The following KCNK10 variants were observed in gnomAD, a reference collection of about 807,000 sequenced individuals.
KCNK10 encodes the protein potassium two pore domain channel subfamily K member 10.
Under a neutral mutation model 47.7 loss-of-function variants are expected in KCNK10, and 25 were observed. The observed-to-expected ratio is 0.52, with a 90% CI of 0.38 to 0.73. The LOEUF (loss-of-function observed/expected upper bound fraction) is 0.73. KCNK10 is among the 30% of genes least tolerant of loss of function. The pLI, the probability that KCNK10 is intolerant of heterozygous loss-of-function variation, is 0.00. For synonymous variants in KCNK10, 303 were observed against 285.6 expected, an observed-to-expected ratio of 1.06 and a Z score of -0.61; for missense variants, 563 against 714.5, an observed-to-expected ratio of 0.79 and a Z score of 2.42.
chr14:88,297,303 A>G (rs1320020598), intron 1 of KCNK10, among the ~76,000 whole-genome samples: 1 of 152,236 alleles, frequency 6.6e-6, no homozygotes, highest in Non-Finnish European at 1.5e-5. Context: ...TTCACTTAAA[A>G]CAATAAACTT....
chr14:88,230,024 C>G lies in KCNK10; in HGVS notation c.521-2489G>C, dbSNP rs558884678. On this transcript the variant is annotated intron_variant, in intron 3 of 6. Coordinates refer to ENST00000319231, the MANE Select transcript of KCNK10 (RefSeq NM_138317.3). ...CTCAGGTCATAGGCACATTCTTAAT[C>G]TCTCTCCCTCACTTTCTTCATCAAA... 2.7e-4 allele frequency among the ~76,000 whole-genome samples: 41 copies of G among 152,286 alleles called. No individual in the cohort carries two copies. The South Asian group carries it at 8.5e-3, about 32-fold the overall frequency.
chr14:88,295,490 T>C (rs1433011069), intron 1 of KCNK10, among the ~76,000 whole-genome samples: 1 of 151,964 alleles, frequency 6.6e-6, no homozygotes, highest in African/African-American at 2.4e-5. Context: ...TGAAACCCCA[T>C]CTCTACTAAA....
At chr14:88,188,510 C>T (rs1025676095) in intron 5 of KCNK10, among the ~76,000 whole-genome samples, 1 of 152,164 alleles carries the variant, frequency 6.6e-6, no homozygotes, top group African/African-American at 2.4e-5. Context: ...AATCATATCA[C>T]CCCCTATGGT....
chr14:88,324,346 T>G (rs539366607), upstream of KCNK10, among the ~76,000 whole-genome samples: 9 of 152,334 alleles, frequency 5.9e-5, no homozygotes, highest in African/African-American at 2.2e-4. Context: ...AGTATCAACA[T>G]GAATGATGCT....
chr14:88,305,060 A>G lies in KCNK10; in HGVS notation c.52+17687T>C, dbSNP rs528833603. Reference sequence around the variant, plus strand: ...CAAAAAATACAAAAGTTAGCCGGATATGGTGGTGCATGCCTGTAGTCCCAG... The same window carrying G: ...CAAAAAATACAAAAGTTAGCCGGATGTGGTGGTGCATGCCTGTAGTCCCAG... On this transcript the variant is annotated intron_variant, in intron 1 of 6. Transcript: ENST00000319231. Among the ~76,000 whole-genome samples, 13 of 152,234 alleles carry G rather than the reference A, an allele frequency of 8.5e-5. No individual in the cohort carries two copies. The East Asian group carries it at 2.3e-3, about 27-fold the overall frequency.
intron 1 of KCNK10, among the ~76,000 whole-genome samples, chr14:88,274,377 C>G (rs2139765863): frequency 6.6e-6 from 1 of 151,830 alleles, no homozygotes; most frequent in Admixed American, 6.6e-5. Flanking sequence ...GCCTGGCCAA[C>G]ATGCCAAAAC....
At position 88,192,239 on chromosome 14, in the gene KCNK10, C is replaced by G; in HGVS notation, c.853G>C (p.Gly285Arg). 1 of 1,612,984 alleles carries G rather than the reference C, an allele frequency of 6.2e-7. No homozygotes were observed. ...VVVTLTTVGF[G>R]DFVAGGNAGI... ...GGGTGCTTACCTGCCACAAAATCAC[C>G]AAAGCCCACCGTGGTCAGAGTGACC... is the stretch of plus-strand genomic sequence containing the variant. The change falls in exon 5 of 7, where the codon GGT (glycine) becomes CGT (arginine). Residue 285 changes from glycine (G) to arginine (R), a missense_variant. Transcript: ENST00000319231.
At chr14:88,261,691 T>C (rs1415222107) in intron 2 of KCNK10, among the ~76,000 whole-genome samples, 1 of 151,854 alleles carries the variant, frequency 6.6e-6, no homozygotes, top group Non-Finnish European at 1.5e-5. Flanking sequence ...GATCAGGAAG[T>C]TGAACCTGCA....
chr14:88,226,333 T>C (rs930206632), intron 4 of KCNK10, among the ~76,000 whole-genome samples: 3 of 152,172 alleles, frequency 2.0e-5, no homozygotes, highest in Non-Finnish European at 1.5e-5. Context: ...TGCATTCTTC[T>C]AAAGAGAAGT....
intron 4 of KCNK10, 67 bp from the exon 5 acceptor site, chr14:88,192,477 A>G: frequency 7.3e-7 from 1 of 1,376,614 alleles, no homozygotes; most frequent in Non-Finnish European, 1.0e-6. Context: ...ATATAGATGC[A>G]CAGAAAACGG....
At chr14:88,208,756 A>G (rs575120001) in intron 4 of KCNK10, among the ~76,000 whole-genome samples, 1 of 152,260 alleles carries the variant, frequency 6.6e-6, no homozygotes, top group South Asian at 2.1e-4. Flanking sequence ...TAACCACATG[A>G]TATCTATTCC....
chr14:88,192,105 G>A (rs1884766452), intron 5 of KCNK10, 119 bp downstream of exon 5: 1 of 910,992 alleles, frequency 1.1e-6, no homozygotes, highest in Non-Finnish European at 1.7e-6. Context: ...CAGCAGTAGT[G>A]ACACTGAGTC....
At chr14:88,302,934 T>A (rs1273720608) in intron 1 of KCNK10, among the ~76,000 whole-genome samples, 1 of 152,078 alleles carries the variant, frequency 6.6e-6, no homozygotes, top group East Asian at 1.9e-4. Context: ...TCAAAGAAGA[T>A]GCGTCCCATT....
intron 4 of KCNK10, among the ~76,000 whole-genome samples, chr14:88,219,009 T>G (rs1282257468): frequency 6.6e-6 from 1 of 152,222 alleles, no homozygotes; most frequent in Non-Finnish European, 1.5e-5. Context: ...TCAGCCCATC[T>G]GGAAGAGGTT....
intron 4 of KCNK10, among the ~76,000 whole-genome samples, chr14:88,208,724 G>A (rs554663413): frequency 2.6e-5 from 4 of 151,912 alleles, no homozygotes; most frequent in East Asian, 3.9e-4. Flanking sequence ...TTTTCAAATT[G>A]TAGATAAATT....
rs1477938821 is a variant in KCNK10 at position 88,322,757 on chromosome 14, C to G, written c.42G>C (p.Trp14Cys). The G allele has an allele frequency of 6.2e-7, 1 of 1,614,130 alleles. No individual in the cohort carries two copies. The highest frequency in any genetic ancestry group is 1.1e-5 in the South Asian group (1 of 91,084). The stretch of plus-strand genomic sequence containing the variant: ...GTAGGAAACACCCACCTTTAGGATC[C>G]CAGTTCACCTGTTTTCTTGGCGTCT... The part of the protein sequence containing the change: ...PIETPRKQVN[W>C]DPKVAVPAAA... Residue 14 changes from tryptophan (W) to cysteine (C), a missense_variant, in exon 1 of 7, where the codon TGG becomes TGC. Trp to Cys is a radical substitution (Grantham distance 215). Coordinates refer to ENST00000319231, the MANE Select transcript of KCNK10 (RefSeq NM_138317.3). This position sits in a 1 kb window ranked among gnomAD's most constrained non-coding sequence, Gnocchi z 4.8.
At chr14:88,271,389 T>G (rs1887401649) in intron 1 of KCNK10, among the ~76,000 whole-genome samples, 1 of 152,180 alleles carries the variant, frequency 6.6e-6, no homozygotes, top group Non-Finnish European at 1.5e-5. Context: ...CTGGCACTAT[T>G]GTGGTTTTTT....
chr14:88,234,843 A>G (rs977089102), intron 3 of KCNK10, among the ~76,000 whole-genome samples: 2 of 152,248 alleles, frequency 1.3e-5, no homozygotes, highest in Non-Finnish European at 2.9e-5. Flanking sequence ...AGATTCCAGC[A>G]TATGTGTAAG....
In KCNK10 at chr14:88,322,794, T is replaced by G. The variant is rs1033120289; in HGVS notation, c.5A>C (p.Lys2Thr). 1.2e-6 allele frequency: 2 copies of G among 1,614,176 alleles called. No homozygotes were observed. Among genetic ancestry groups the G allele is most frequent in the African/African-American group, 2.7e-5 (2 of 75,044 alleles). M[K>T]FPIETPRKQV... ...TTTTCTTGGCGTCTCGATTGGAAAT[T>G]TCATTGCTTCGTTGCCCAGAAGGGG... Residue 2 changes from lysine (K) to threonine (T), a missense_variant, in exon 1 of 7, where the codon AAA (lysine) becomes ACA (threonine). Transcript: ENST00000319231. The surrounding 1 kb of genome is among the most constrained non-coding windows in gnomAD (Gnocchi z 4.8).
Sources: allele counts gnomAD v4.1 joint callset (sites outside exome capture counted in the v4.1 genomes callset), GRCh38; gene constraint gnomAD v4.1.1; non-coding constraint Gnocchi (gnomAD v3.1); transcripts MANE v1.5; gene names NCBI Gene and HGNC (gene_info 2026-07-23, HGNC 2026-07-21).